Variants in CENPA observed in about 807,000 individuals in gnomAD.
CENPA encodes centromere protein A, also known as histone H3-like centromeric protein A.
CENPA carries 7 observed loss-of-function variants against 17.2 expected under a neutral mutation model. The observed-to-expected ratio is 0.41, with a 90% CI of 0.23 to 0.76. CENPA has a LOEUF of 0.76. Among genes scored for constraint, CENPA ranks in the 30% least tolerant of loss-of-function variants. CENPA has a pLI of 0.34. For synonymous variants in CENPA, 82 were observed against 77.4 expected (o/e 1.06, Z -0.31); for missense variants, 149 against 193.1 (o/e 0.77, Z 1.35).
rs1386503083 is a variant in CENPA at position 26,786,097 on chromosome 2, A to G, written c.-100A>G. 2 of 1,294,026 alleles carry G rather than the reference A, an allele frequency of 1.5e-6. No individual in the cohort carries two copies. The highest frequency in any genetic ancestry group is 2.0e-6 in the Non-Finnish European group (2 of 1,020,968). The allele number at this position is 1,294,026 out of a possible 1,614,324, so 80.2% of individuals were successfully genotyped here. On this transcript the variant is annotated 5_prime_UTR_variant, in exon 1 of 5. Coordinates refer to ENST00000335756, the MANE Select transcript of CENPA (RefSeq NM_001809.4). ...CCGGCTCATGTGAGGCTCGCGGCAC[A>G]GCGTTCTCTGGGCTCCCCAGAAGCC...
rs780269943 is a variant in CENPA at position 26,792,818 on chromosome 2, A to C, written c.273A>C (p.Leu91=). The C allele has an allele frequency of 6.2e-7, 1 of 1,614,172 alleles. No individual in the cohort carries two copies. Among genetic ancestry groups the C allele is most frequent in the Non-Finnish European group, 8.5e-7 (1 of 1,180,000 alleles). ...GVDFNWQAQA[L]LALQEAAEAF... ...ACTTCAATTGGCAAGCCCAGGCCCTATTGGCCCTACAAGAGGTAAGAAGGC... is the reference window on the plus strand; with the variant it reads ...ACTTCAATTGGCAAGCCCAGGCCCTCTTGGCCCTACAAGAGGTAAGAAGGC... The change falls in exon 3 of 5, where the codon CTA becomes CTC. Residue 91 remains leucine, a synonymous_variant. Transcript: ENST00000335756.
At chr2:26,787,340 C>CGAGTA (rs1664526919) in intron 1 of CENPA, among the ~76,000 whole-genome samples, 1 of 152,170 alleles carries the variant, frequency 6.6e-6, no homozygotes, top group African/African-American at 2.4e-5. Flanking sequence ...CTCAGCCTCC[C>CGAGTA]GAGTAGCTGG....
Position 26,786,089 on chromosome 2 carries a change from C to G in CENPA, c.-108C>G. 7.8e-7 allele frequency: 1 copy of G among 1,282,218 alleles called. No individual in the cohort carries two copies. The highest frequency in any genetic ancestry group is 3.2e-5 in the East Asian group (1 of 31,316). 79.4% of individuals were successfully genotyped at this position (1,282,218 alleles called of 1,614,324 possible). A position where few individuals can be genotyped will look rare whatever the true frequency, so the allele number is the denominator to read the frequency against. ...GCCAAGCACCGGCTCATGTGAGGCT[C>G]GCGGCACAGCGTTCTCTGGGCTCCC... On this transcript the variant is annotated 5_prime_UTR_variant, in exon 1 of 5. Transcript: ENST00000335756.
At chr2:26,790,266 T>C (rs1664591672) in intron 1 of CENPA, among the ~76,000 whole-genome samples, 1 of 152,110 alleles carries the variant, frequency 6.6e-6, no homozygotes, top group South Asian at 2.1e-4. Flanking sequence ...TTTAGTTGTG[T>C]TCATCTTCAA....
rs1474716847 is a variant in CENPA, at chr2:26,792,201, C to CACA, written c.172_174dup (p.Thr58dup). 6.2e-7 allele frequency: 1 copy of CACA among 1,613,948 alleles called. No individual in the cohort carries two copies. The highest frequency in any genetic ancestry group is 8.5e-7 in the Non-Finnish European group (1 of 1,179,948). ...AGGAGATCCGAAAGCTTCAGAAGAG[C>CACA]ACACACCTCTTGATAAGGAAGCTGC... On this transcript the variant is annotated inframe_insertion, in exon 2 of 5. Coordinates refer to ENST00000335756, the MANE Select transcript of CENPA (RefSeq NM_001809.4).
intron 1 of CENPA, among the ~76,000 whole-genome samples, chr2:26,786,996 C>T (rs1480022718): frequency 6.6e-6 from 1 of 152,240 alleles, no homozygotes; most frequent in Non-Finnish European, 1.5e-5. Flanking sequence ...TACATGGTGG[C>T]AACAGCTGCT....
At chr2:26,791,611 G>A (rs1334576026) in intron 1 of CENPA, among the ~76,000 whole-genome samples, 3 of 152,114 alleles carry the variant, frequency 2.0e-5, no homozygotes, top group Non-Finnish European at 2.9e-5. Flanking sequence ...TGGGCCTCAG[G>A]ATGATCAAGA....
chr2:26,792,741 C>T lies in CENPA; in HGVS notation c.211-15C>T. Reference sequence around the variant, plus strand: ...CTCCCTACTCCTACTCCTCCCCTTCCCCACTCCTTCACAGGCAAGAGAAAT... The same window carrying T: ...CTCCCTACTCCTACTCCTCCCCTTCTCCACTCCTTCACAGGCAAGAGAAAT... On this transcript the variant is annotated splice_polypyrimidine_tract_variant and intron_variant, in intron 2 of 4. Coordinates refer to ENST00000335756, the MANE Select transcript of CENPA (RefSeq NM_001809.4). 6.3e-7 allele frequency: 1 copy of T among 1,595,774 alleles called. No homozygotes were observed. The highest frequency in any genetic ancestry group is 8.6e-7 in the Non-Finnish European group (1 of 1,163,158).
intron 1 of CENPA, among the ~76,000 whole-genome samples, chr2:26,791,455 T>A (rs983705148): frequency 6.6e-6 from 1 of 152,266 alleles, no homozygotes; most frequent in Non-Finnish European, 1.5e-5. Context: ...AATTATTTTC[T>A]TTTTTGTTCT....
chr2:26,787,482 T>C (rs1204373341), intron 1 of CENPA, among the ~76,000 whole-genome samples: 2 of 152,006 alleles, frequency 1.3e-5, no homozygotes, highest in Non-Finnish European at 2.9e-5. Context: ...CCCAAAGTGC[T>C]GGGATTACAG....
chr2:26,786,342 G>C (rs981293774), intron 1 of CENPA, 46 bp downstream of exon 1: 2 of 1,286,666 alleles, frequency 1.6e-6, no homozygotes, highest in Non-Finnish European at 2.0e-6. Context: ...ACCGAGGCTC[G>C]CAGGCGGAGC....
At chr2:26,792,495 A>G in intron 2 of CENPA, 2 of 712,480 alleles carry the variant, frequency 2.8e-6, no homozygotes, top group Non-Finnish European at 5.2e-6. Context: ...TCGTTTGTCC[A>G]CCTTAGATCC....
chr2:26,793,379 C>T (rs1263309890), intron 4 of CENPA, 53 bp downstream of exon 4: 6 of 1,494,860 alleles, frequency 4.0e-6, no homozygotes, highest in Admixed American at 2.1e-5. Context: ...AAGTAATTTC[C>T]TTTCTCCATC....
chr2:26,788,641 A>G (rs1033567681), intron 1 of CENPA, among the ~76,000 whole-genome samples: 2 of 152,100 alleles, frequency 1.3e-5, no homozygotes, highest in African/African-American at 4.8e-5. Flanking sequence ...ATCGGCACAT[A>G]TGCTCTAGTA....
Position 26,786,225 on chromosome 2 carries a change from C to A in CENPA, c.29C>A (p.Pro10His). ...GGCCCGCGCCGCCGGAGCCGAAAGC[C>A]CGAGGCCCCGAGGAGGCGCAGCCCG... MGPRRRSRK[P>H]EAPRRRSPSP... Residue 10 changes from proline to histidine, a missense_variant, in exon 1 of 5, where the codon CCC (proline) becomes CAC (histidine). Coordinates refer to ENST00000335756, the MANE Select transcript of CENPA (RefSeq NM_001809.4). 1 of 1,433,224 alleles carries A rather than the reference C, an allele frequency of 7.0e-7. No individual in the cohort carries two copies. The highest frequency in any genetic ancestry group is 2.9e-5 in the Admixed American group (1 of 35,024). 88.8% of individuals were successfully genotyped at this position (1,433,224 alleles called of 1,614,324 possible).
chr2:26,786,503 A>G (rs557125603), intron 1 of CENPA, among the ~76,000 whole-genome samples: 2 of 152,342 alleles, frequency 1.3e-5, no homozygotes, highest in East Asian at 3.9e-4. Context: ...CGGCTTAGCC[A>G]CTTGGCTCCT....
intron 1 of CENPA, among the ~76,000 whole-genome samples, chr2:26,790,436 C>T (rs1045795743): frequency 1.3e-5 from 2 of 152,300 alleles, no homozygotes; most frequent in African/African-American, 2.4e-5. Flanking sequence ...AAGCAATTCT[C>T]CTGCCTCAGC....
chr2:26,787,255 G>C (rs771716656), intron 1 of CENPA, among the ~76,000 whole-genome samples: 10 of 152,040 alleles, frequency 6.6e-5, no homozygotes, highest in Non-Finnish European at 1.3e-4. Context: ...AGGCTTTGTC[G>C]CCCAGGCTGG....
Position 26,792,838 on chromosome 2 carries a change from G to A in CENPA, c.288+5G>A, listed in dbSNP as rs1180710150. The A allele has an allele frequency of 6.2e-7, 1 of 1,613,752 alleles. No individual in the cohort carries two copies. The highest frequency in any genetic ancestry group is 8.5e-7 in the Non-Finnish European group (1 of 1,179,744). On this transcript the variant is annotated splice_donor_5th_base_variant and intron_variant, in intron 3 of 4. Coordinates refer to ENST00000335756, the MANE Select transcript of CENPA (RefSeq NM_001809.4). Reference sequence around the variant, plus strand: ...GCCCTATTGGCCCTACAAGAGGTAAGAAGGCACCAAGGCACAATTGGGTGA... The same window carrying A: ...GCCCTATTGGCCCTACAAGAGGTAAAAAGGCACCAAGGCACAATTGGGTGA...
Sources: gnomAD v4.1 joint callset for allele counts (sites outside exome capture counted in the v4.1 genomes callset) on GRCh38, gnomAD v4.1.1 for gene constraint, MANE v1.5 for transcripts, NCBI Gene and HGNC (gene_info 2026-07-23, HGNC 2026-07-21) for gene names.